The following SPEF2 variants were observed in gnomAD, a reference collection of about 807,000 sequenced individuals.
SPEF2 encodes the protein sperm flagellar and cilia associated 2.
Under a neutral mutation model 224.6 loss-of-function variants are expected in SPEF2, and 187 were observed. The observed-to-expected ratio is 0.83, with a 90% confidence interval of 0.74 to 0.94. The LOEUF (loss-of-function observed/expected upper bound fraction) is 0.94, where lower values mean the gene tolerates loss of function less well. SPEF2 is among the 40% of genes least tolerant of loss of function. The pLI is 0.00. For missense variants in SPEF2, 2,170 were observed against 2,135.6 expected (o/e 1.02, Z -0.32); for synonymous variants, 715 against 707.3 (o/e 1.01, Z -0.17).
At chr5:35,783,594 G>T (rs908042228) in intron 30 of SPEF2, among the ~76,000 whole-genome samples, 1 of 152,002 alleles carries the variant, frequency 6.6e-6, no homozygotes, top group African/African-American at 2.4e-5. Context: ...ATGTTAGCTT[G>T]GTTTCTTGAA....
intron 36 of SPEF2, chr5:35,807,868 C>T: frequency 6.7e-7 from 1 of 1,492,238 alleles, no homozygotes; most frequent in Non-Finnish European, 8.9e-7. Flanking sequence ...AGGCCTTTAA[C>T]AGCAGGGACT....
chr5:35,684,384 T>C (rs888161004), intron 10 of SPEF2, among the ~76,000 whole-genome samples: 3 of 152,236 alleles, frequency 2.0e-5, no homozygotes, highest in African/African-American at 7.2e-5. Context: ...AAATCCTTTA[T>C]CTGCTTATCT....
At chr5:35,709,419 C>A (rs1034863695) in intron 19 of SPEF2, 3 of 1,143,366 alleles carry the variant, frequency 2.6e-6, no homozygotes, top group Non-Finnish European at 3.2e-6. Flanking sequence ...TAACTTCAGG[C>A]AGATCAAGAG....
chr5:35,778,034 A>G (rs1282226976), intron 29 of SPEF2, among the ~76,000 whole-genome samples: 1 of 152,310 alleles, frequency 6.6e-6, no homozygotes, highest in South Asian at 2.1e-4. Context: ...ATGGACACTT[A>G]CAAAGACAAC....
chr5:35,671,632 T>C (rs764507621), intron 10 of SPEF2: 1 of 614,022 alleles, frequency 1.6e-6, no homozygotes, highest in Non-Finnish European at 2.0e-6. Flanking sequence ...GCTCAATCTC[T>C]ATTCTTGTTG....
At chr5:35,786,927 T>A (rs983861067) in intron 30 of SPEF2, among the ~76,000 whole-genome samples, 1 of 152,222 alleles carries the variant, frequency 6.6e-6, no homozygotes, top group Non-Finnish European at 1.5e-5. Context: ...ATATATGTCA[T>A]GAAATATTTT....
intron 26 of SPEF2, among the ~76,000 whole-genome samples, chr5:35,765,068 C>T (rs566994954): frequency 6.6e-6 from 1 of 152,226 alleles, no homozygotes; most frequent in Non-Finnish European, 1.5e-5. Flanking sequence ...TAACCCACTT[C>T]GAATTCTCTA....
Position 35,705,795 on chromosome 5 carries a change from A to T in SPEF2, c.2652A>T (p.Lys884Asn). 1 of 1,483,240 alleles carries T rather than the reference A, an allele frequency of 6.7e-7. No individual in the cohort carries two copies. The highest frequency in any genetic ancestry group is 2.2e-4 in the Middle Eastern group (1 of 4,560). The allele number at this position is 1,483,240 out of a possible 1,614,324, so 91.9% of individuals were successfully genotyped here. Residue 884 changes from lysine to asparagine, a missense_variant, in exon 18 of 37, where the codon AAA becomes AAT. By Grantham distance (94) the Lys-to-Asn change is moderately conservative. Coordinates refer to ENST00000356031, the MANE Select transcript of SPEF2 (RefSeq NM_024867.4). The part of the protein sequence containing the change: ...VKEILTTEIA[K>N]KKNKVEKKLE... ...AAATTCTTACGACTGAAATAGCAAA[A>T]AAAAAGAATAAAGGTATTTACATTT...
In SPEF2 at chr5:35,700,579, C is replaced by T. The variant is rs891929946; in HGVS notation, c.2225C>T (p.Thr742Ile). Reference protein sequence around the residue: ...NQAQLLEEALTGCNRNLTEVE... With the variant: ...NQAQLLEEALIGCNRNLTEVE... The stretch of plus-strand genomic sequence containing the variant: ...GCACAGCTTCTGGAAGAAGCTCTTA[C>T]AGGCTGCAATAGAAACCTCACAGAA... The change falls in exon 16 of 37, where the codon ACA (threonine) becomes ATA (isoleucine). Residue 742 changes from threonine (T) to isoleucine (I), a missense_variant. By Grantham distance (89) the Thr-to-Ile change is moderately conservative (BLOSUM62 -1). Transcript: ENST00000356031. The T allele has an allele frequency of 2.5e-6, 4 of 1,613,756 alleles. No individual in the cohort carries two copies. The African/African-American group carries it at 4.0e-5, about 16-fold the overall frequency.
intron 30 of SPEF2, chr5:35,788,867 A>C: frequency 1.4e-6 from 1 of 702,920 alleles, no homozygotes. Flanking sequence ...CTTTTATCAC[A>C]ATTCTCCTCT....
chr5:35,697,886 A>G (rs982548391), intron 15 of SPEF2, 93 bp downstream of exon 15: 2 of 845,088 alleles, frequency 2.4e-6, no homozygotes, highest in Non-Finnish European at 3.6e-6. Flanking sequence ...TTGTTGTAAT[A>G]TCTCATACAT....
intron 19 of SPEF2, among the ~76,000 whole-genome samples, chr5:35,711,128 C>T (rs1741021298): frequency 6.6e-6 from 1 of 152,072 alleles, no homozygotes; most frequent in South Asian, 2.1e-4. Context: ...GAACTGAAAG[C>T]CTGAGGCTTC....
At chr5:35,636,952 G>A (rs1745914441) in intron 2 of SPEF2, among the ~76,000 whole-genome samples, 1 of 150,226 alleles carries the variant, frequency 6.7e-6, no homozygotes, top group South Asian at 2.1e-4. Context: ...CTCCAGCCTG[G>A]GTGACAGAGT....
At chr5:35,689,683 T>A (rs1754164911) in intron 10 of SPEF2, among the ~76,000 whole-genome samples, 1 of 152,182 alleles carries the variant, frequency 6.6e-6, no homozygotes, top group African/African-American at 2.4e-5. Flanking sequence ...GGACAAGATA[T>A]CATTATTTTT....
intron 26 of SPEF2, among the ~76,000 whole-genome samples, chr5:35,768,417 G>A (rs1752370930): frequency 6.6e-6 from 1 of 152,094 alleles, no homozygotes; most frequent in African/African-American, 2.4e-5. Context: ...CTGAAAAATA[G>A]TATGTTCTTA....
chr5:35,714,330 C>G (rs1287038205), intron 20 of SPEF2, among the ~76,000 whole-genome samples: 2 of 151,316 alleles, frequency 1.3e-5, no homozygotes, highest in Admixed American at 6.6e-5. Flanking sequence ...CCACTCCCTG[C>G]TTTTTTAAAG....
intron 20 of SPEF2, among the ~76,000 whole-genome samples, chr5:35,717,637 G>T (rs1365062480): frequency 1.3e-5 from 2 of 151,990 alleles, no homozygotes; most frequent in Non-Finnish European, 2.9e-5. Flanking sequence ...ACGGACTCTC[G>T]CAAGGCCAGA....
rs1343412311 is a variant in SPEF2 at position 35,654,917 on chromosome 5, G to C, written c.978+191G>C. 2.2e-3 allele frequency among the ~76,000 whole-genome samples: 329 copies of C among 152,212 alleles called. 1 individual carries two copies. Among genetic ancestry groups the C allele is most frequent in the African/African-American group, 7.7e-3 (319 of 41,536 alleles). ...TATTTACTAAAGAATCTAAAATCTG[G>C]TGATAGTTGTACAACATTGTGAATG... is the stretch of plus-strand genomic sequence containing the variant. On this transcript the variant is annotated intron_variant, in intron 7 of 36. Transcript: ENST00000356031.
intron 12 of SPEF2, among the ~76,000 whole-genome samples, chr5:35,693,102 G>A (rs1331101398): frequency 1.3e-5 from 2 of 152,128 alleles, no homozygotes; most frequent in African/African-American, 4.8e-5. Flanking sequence ...ATTGAATTGT[G>A]GAGGTTGGGA....
Sources: allele counts gnomAD v4.1 joint callset (sites outside exome capture counted in the v4.1 genomes callset), GRCh38; gene constraint gnomAD v4.1.1; transcripts MANE v1.5; gene names NCBI Gene and HGNC (gene_info 2026-07-23, HGNC 2026-07-21).